LGR5: variants seen among roughly 807,000 people sequenced by gnomAD.
LGR5 encodes leucine rich repeat containing G protein-coupled receptor 5.
A neutral mutation model predicts 76.7 loss-of-function variants in LGR5; 54 were observed. The observed-to-expected ratio is 0.70, with a 90% CI of 0.57 to 0.88. The LOEUF is 0.88. Among genes scored for constraint, LGR5 ranks in the 40% least tolerant of loss-of-function variants. The pLI is 0.00. For synonymous variants in LGR5, 406 were observed against 421.9 expected (o/e 0.96, Z 0.46); for missense variants, 1,078 against 1,073.3 (o/e 1.00, Z -0.06).
chr12:71,478,290 A>C (rs1426104477), intron 1 of LGR5, among the ~76,000 whole-genome samples: 1 of 152,236 alleles, frequency 6.6e-6, no homozygotes, highest in African/African-American at 2.4e-5. Flanking sequence ...CATATAAATG[A>C]ATGTTCTATG....
chr12:71,520,756 T>C (rs1875689818), intron 2 of LGR5, among the ~76,000 whole-genome samples: 1 of 152,008 alleles, frequency 6.6e-6, no homozygotes, highest in Non-Finnish European at 1.5e-5. Context: ...TTAGGAGAAA[T>C]ACCTAATGTA....
chr12:71,483,325 C>T (rs1206976330), intron 1 of LGR5, among the ~76,000 whole-genome samples: 3 of 151,950 alleles, frequency 2.0e-5, no homozygotes, highest in African/African-American at 7.3e-5. Context: ...AAACTGAGAT[C>T]CAAAGGCTAG....
chr12:71,549,220 C>G (rs1035004092), intron 4 of LGR5, among the ~76,000 whole-genome samples: 28 of 152,102 alleles, frequency 1.8e-4, no homozygotes, highest in Admixed American at 6.5e-4. Context: ...CCTGTTTACC[C>G]TTGGGGTCTT....
At chr12:71,525,969 A>G (rs1394332430) in intron 3 of LGR5, among the ~76,000 whole-genome samples, 2 of 151,936 alleles carry the variant, frequency 1.3e-5, no homozygotes, top group Non-Finnish European at 2.9e-5. Context: ...TCACTAGTGC[A>G]TTACTAGAGA....
intron 1 of LGR5, among the ~76,000 whole-genome samples, chr12:71,451,073 T>C (rs367978594): frequency 6.6e-6 from 1 of 152,066 alleles, no homozygotes; most frequent in East Asian, 1.9e-4. Context: ...AAAGAACAAA[T>C]TGGGCAGCCC....
At chr12:71,536,699 A>G (rs1876605619) in intron 4 of LGR5, among the ~76,000 whole-genome samples, 1 of 152,260 alleles carries the variant, frequency 6.6e-6, no homozygotes, top group African/African-American at 2.4e-5. Context: ...TGTAACCAAA[A>G]GCCACTATCA....
At chr12:71,524,376 A>T in intron 2 of LGR5, 30 bp from the exon 3 acceptor site, 1 of 1,521,442 alleles carries the variant, frequency 6.6e-7, no homozygotes, top group Non-Finnish European at 9.1e-7. Flanking sequence ...AGGTATGCTC[A>T]CTCTCTCTCC....
chr12:71,539,443 A>G (rs1036654333), intron 4 of LGR5, among the ~76,000 whole-genome samples: 1 of 152,210 alleles, frequency 6.6e-6, no homozygotes, highest in East Asian at 1.9e-4. Context: ...TGTTTTGTTC[A>G]TAATGGAAAC....
intron 4 of LGR5, among the ~76,000 whole-genome samples, chr12:71,543,092 A>G (rs1191595554): frequency 2.0e-5 from 3 of 152,168 alleles, no homozygotes; most frequent in African/African-American, 7.2e-5. Flanking sequence ...CTGAAACCTC[A>G]AACTCTTAAG....
intron 1 of LGR5, among the ~76,000 whole-genome samples, chr12:71,501,537 C>T (rs1874604904): frequency 6.6e-6 from 1 of 152,150 alleles, no homozygotes; most frequent in South Asian, 2.1e-4. Context: ...ATTTAAGCCT[C>T]ACCATTCTTG....
intron 3 of LGR5, among the ~76,000 whole-genome samples, chr12:71,534,742 T>C (rs1876496583): frequency 6.6e-6 from 1 of 152,206 alleles, no homozygotes; most frequent in Non-Finnish European, 1.5e-5. Flanking sequence ...TCTTCTCTTT[T>C]CCTTGGTAAC....
chr12:71,563,931 CA>C (rs1565760569), intron 8 of LGR5, among the ~76,000 whole-genome samples: 1 of 146,554 alleles, frequency 6.8e-6, no homozygotes, highest in Non-Finnish European at 1.5e-5. Context: ...TATATATGTA[CA>C]CACACACCGT....
chr12:71,571,625 A>C (rs763201173), intron 12 of LGR5, 46 bp downstream of exon 12: 6 of 1,380,534 alleles, frequency 4.3e-6, no homozygotes, highest in Non-Finnish European at 6.2e-6. Context: ...TCAAGAATCA[A>C]AACTCACATT....
At chr12:71,570,895 G>A (rs1878579431) in intron 11 of LGR5, among the ~76,000 whole-genome samples, 1 of 152,100 alleles carries the variant, frequency 6.6e-6, no homozygotes, top group Non-Finnish European at 1.5e-5. Context: ...ATATATCTAT[G>A]TTACGTTATC....
At chr12:71,486,156 CCT>C (rs1212867075) in intron 1 of LGR5, among the ~76,000 whole-genome samples, 1 of 152,110 alleles carries the variant, frequency 6.6e-6, no homozygotes, top group African/African-American at 2.4e-5. Flanking sequence ...AATAATTCCC[CCT>C]TTTTGCTCAT....
intron 11 of LGR5, among the ~76,000 whole-genome samples, chr12:71,570,692 C>G (rs925899355): frequency 6.6e-6 from 1 of 151,976 alleles, no homozygotes; most frequent in South Asian, 2.1e-4. Context: ...GGACTTTATT[C>G]CTTTATAAAT....
chr12:71,514,681 A>G (rs1168810975), intron 2 of LGR5, among the ~76,000 whole-genome samples: 1 of 152,186 alleles, frequency 6.6e-6, no homozygotes, highest in Non-Finnish European at 1.5e-5. Flanking sequence ...AGTCCTTAAC[A>G]ATTCTTAGCC....
intron 1 of LGR5, among the ~76,000 whole-genome samples, chr12:71,494,293 G>T (rs1874217506): frequency 6.7e-6 from 1 of 150,290 alleles, no homozygotes; most frequent in Non-Finnish European, 1.5e-5. Context: ...GCCCAGGCTT[G>T]TCTTGAACTC....
At chr12:71,460,789 C>G (rs943319923) in intron 1 of LGR5, among the ~76,000 whole-genome samples, 2 of 152,142 alleles carry the variant, frequency 1.3e-5, no homozygotes, top group Admixed American at 1.3e-4. Flanking sequence ...TCCATTTCAT[C>G]CCGCCTTACA....
Sources: gnomAD v4.1 joint callset for allele counts (sites outside exome capture counted in the v4.1 genomes callset) on GRCh38, gnomAD v4.1.1 for gene constraint, MANE v1.5 for transcripts, NCBI Gene and HGNC (gene_info 2026-07-23, HGNC 2026-07-21) for gene names.